SKIC3: variants seen among roughly 807,000 people sequenced by gnomAD.
The protein encoded by SKIC3 is superkiller complex protein 3.
the SKIC3 span, among the ~76,000 whole-genome samples, chr5:95,527,187 T>C: frequency 6.6e-6 from 1 of 152,220 alleles, no homozygotes; most frequent in African/African-American, 2.4e-5. Flanking sequence ...CATGACAAGG[T>C]GTTCTTGGTT....
chr5:95,498,394 T>C, the SKIC3 span: 1 of 1,614,222 alleles, frequency 6.2e-7, no homozygotes, highest in East Asian at 2.2e-5. Flanking sequence ...AGATATTTGT[T>C]TTTGCACAGC....
the SKIC3 span, chr5:95,482,498 T>C: frequency 7.4e-3 from 11,945 of 1,613,930 alleles, 58 homozygotes; most frequent in Non-Finnish European, 8.6e-3. Context: ...AGAGGTTGAG[T>C]TGGACATGAC....
chr5:95,487,727 T>G, the SKIC3 span, among the ~76,000 whole-genome samples: 1 of 152,118 alleles, frequency 6.6e-6, no homozygotes, highest in Non-Finnish European at 1.5e-5. Flanking sequence ...TGGAAGTGAC[T>G]GTTAGACTAG....
chr5:95,510,853 C>T, the SKIC3 span, among the ~76,000 whole-genome samples: 26 of 152,228 alleles, frequency 1.7e-4, no homozygotes, highest in Admixed American at 2.6e-4. Flanking sequence ...GTCTAGGCAG[C>T]GGGCAAAGTG....
the SKIC3 span, among the ~76,000 whole-genome samples, chr5:95,533,865 A>G: frequency 5.3e-5 from 8 of 152,148 alleles, no homozygotes; most frequent in Non-Finnish European, 1.0e-4. Flanking sequence ...GGCTTTTTAG[A>G]ATATAAGGAC....
chr5:95,487,102 C>T, the SKIC3 span, among the ~76,000 whole-genome samples: 6 of 152,190 alleles, frequency 3.9e-5, no homozygotes, highest in South Asian at 1.2e-3. Flanking sequence ...ATAAAGCAAG[C>T]AGAAAAACAC....
At chr5:95,508,816 C>CA in the SKIC3 span, among the ~76,000 whole-genome samples, 1 of 151,990 alleles carries the variant, frequency 6.6e-6, no homozygotes, top group African/African-American at 2.4e-5. Context: ...ACGCAGTAGT[C>CA]AAAAAATATT....
chr5:95,535,988 A>T, the SKIC3 span, among the ~76,000 whole-genome samples: 4 of 150,450 alleles, frequency 2.7e-5, no homozygotes, highest in African/African-American at 4.9e-5. Flanking sequence ...CAGGTTATTA[A>T]AAAAAAAAAT....
At chr5:95,513,495 A>G in the SKIC3 span, 6 of 1,497,046 alleles carry the variant, frequency 4.0e-6, no homozygotes, top group East Asian at 2.3e-5. Flanking sequence ...GCCTAGCCCA[A>G]TATCTATTCA....
the SKIC3 span, chr5:95,541,489 G>T: frequency 9.4e-7 from 1 of 1,060,446 alleles, no homozygotes. Flanking sequence ...ATAATTTCAG[G>T]TACTATTTTA....
the SKIC3 span, among the ~76,000 whole-genome samples, chr5:95,511,990 G>A: frequency 1.3e-5 from 2 of 152,188 alleles, no homozygotes; most frequent in South Asian, 4.1e-4. Context: ...ATATCTTCAA[G>A]AAAAATCAGG....
chr5:95,482,644 TC>T, the SKIC3 span: 1 of 1,613,482 alleles, frequency 6.2e-7, no homozygotes, highest in Non-Finnish European at 8.5e-7. Flanking sequence ...AGAAATCAAA[TC>T]CCAAAGAGGA....
At chr5:95,490,459 A>C in the SKIC3 span, among the ~76,000 whole-genome samples, 1 of 147,216 alleles carries the variant, frequency 6.8e-6, no homozygotes, top group Non-Finnish European at 1.5e-5. Flanking sequence ...ATATATTTAA[A>C]TAATGTATAT....
the SKIC3 span, chr5:95,524,458 G>T: frequency 3.1e-6 from 5 of 1,612,578 alleles, no homozygotes; most frequent in East Asian, 8.9e-5. Context: ...TGTAGCACTT[G>T]CTTTACCTTC....
chr5:95,487,138 C>G, the SKIC3 span, among the ~76,000 whole-genome samples: 7 of 152,060 alleles, frequency 4.6e-5, no homozygotes, highest in African/African-American at 1.7e-4. Flanking sequence ...GCCTAGCCTC[C>G]CACCCTACAT....
chr5:95,546,352 C>CAA, the SKIC3 span, among the ~76,000 whole-genome samples: 1,263 of 136,522 alleles, frequency 9.3e-3, 16 homozygotes, highest in African/African-American at 0.03. Flanking sequence ...AAAAAAAAAA[C>CAA]AAAAAAAAAA....
the SKIC3 span, among the ~76,000 whole-genome samples, chr5:95,482,936 T>C: frequency 1.3e-5 from 2 of 152,102 alleles, no homozygotes; most frequent in African/African-American, 4.8e-5. Flanking sequence ...AAGTAAATAG[T>C]TGAACTAAGA....
chr5:95,554,465 A>G, the SKIC3 span, among the ~76,000 whole-genome samples: 2 of 152,200 alleles, frequency 1.3e-5, no homozygotes, highest in African/African-American at 4.8e-5. Flanking sequence ...ACCTACGTCA[A>G]CTAACTGAAC....
the SKIC3 span, chr5:95,512,462 T>C: frequency 1.9e-6 from 3 of 1,612,206 alleles, no homozygotes; most frequent in East Asian, 2.2e-5. Flanking sequence ...TGCTATTATA[T>C]AACAGGTACC....
Sources: gnomAD v4.1 joint callset for allele counts (sites outside exome capture counted in the v4.1 genomes callset) on GRCh38, gnomAD v4.1.1 for gene constraint, MANE v1.5 for transcripts, NCBI Gene and HGNC (gene_info 2026-07-23, HGNC 2026-07-21) for gene names.